The following ZNF423 variants were observed in gnomAD, a reference collection of about 807,000 sequenced individuals.
ZNF423 encodes zinc finger protein 423.
In ZNF423, 12 loss-of-function variants were observed where a neutral mutation model predicts 95.8. The observed-to-expected ratio is 0.13, with a 90% CI of 0.08 to 0.20. The LOEUF is 0.20. Ranked by LOEUF, ZNF423 falls within the 10% of genes least tolerant of loss-of-function variation. ZNF423 has a pLI of 1.00. For synonymous variants in ZNF423, 749 were observed against 711.9 expected, an observed-to-expected ratio of 1.05 and a Z score of -0.83; for missense variants, 1,316 against 1,737.1, an observed-to-expected ratio of 0.76 and a Z score of 4.31.
intron 2 of ZNF423, among the ~76,000 whole-genome samples, chr16:49,755,543 A>G (rs2033711160): frequency 6.6e-6 from 1 of 152,158 alleles, no homozygotes; most frequent in Non-Finnish European, 1.5e-5. Context: ...ACATGCACAC[A>G]TTGTGGCTGC....
intron 5 of ZNF423, among the ~76,000 whole-genome samples, chr16:49,556,518 GCA>G (rs1257261444): frequency 6.6e-6 from 1 of 152,106 alleles, no homozygotes; most frequent in East Asian, 1.9e-4. Context: ...TCAGTACTTT[GCA>G]CAGAGAGGAA....
chr16:49,801,563 A>C (rs780290923), intron 1 of ZNF423, among the ~76,000 whole-genome samples: 2 of 152,200 alleles, frequency 1.3e-5, no homozygotes, highest in Non-Finnish European at 2.9e-5. Context: ...TCGGTTGCAC[A>C]AAGTAATTCT....
At chr16:49,525,227 G>A in intron 6 of ZNF423, 136 bp downstream of exon 6, 2 of 1,318,832 alleles carry the variant, frequency 1.5e-6, no homozygotes, top group South Asian at 2.8e-5. Context: ...ATCCCTCAGG[G>A]TATCCCCAAC....
intron 5 of ZNF423, among the ~76,000 whole-genome samples, chr16:49,589,840 C>T (rs1042066212): frequency 1.3e-5 from 2 of 151,880 alleles, no homozygotes; most frequent in East Asian, 1.9e-4. Context: ...GCATTATTAA[C>T]GGCACATTCC....
chr16:49,612,280 T>C (rs1301913231), intron 5 of ZNF423, among the ~76,000 whole-genome samples: 1 of 151,686 alleles, frequency 6.6e-6, no homozygotes, highest in Non-Finnish European at 1.5e-5. Flanking sequence ...AAAAGAAGTA[T>C]ACACCATGAC....
At chr16:49,540,938 AG>A (rs1279687998) in intron 5 of ZNF423, among the ~76,000 whole-genome samples, 1 of 152,216 alleles carries the variant, frequency 6.6e-6, no homozygotes, top group Admixed American at 6.5e-5. Flanking sequence ...TGGGGGTCCC[AG>A]TGGCCCTCTG....
intron 3 of ZNF423, among the ~76,000 whole-genome samples, chr16:49,676,941 G>C (rs1186280266): frequency 6.6e-6 from 1 of 152,086 alleles, no homozygotes; most frequent in East Asian, 1.9e-4. Context: ...ATTTAGGCCA[G>C]GCCTGGTGGC....
At chr16:49,717,422 C>G (rs974668744) in intron 3 of ZNF423, among the ~76,000 whole-genome samples, 3 of 152,232 alleles carry the variant, frequency 2.0e-5, no homozygotes, top group African/African-American at 7.2e-5. Flanking sequence ...CTCCTTCTCT[C>G]TTCAGGCTGC....
chr16:49,738,876 G>A (rs144113125), intron 2 of ZNF423, among the ~76,000 whole-genome samples: 2 of 152,190 alleles, frequency 1.3e-5, no homozygotes, highest in Non-Finnish European at 2.9e-5. Context: ...GGCATATCCA[G>A]GGGTTACCAG....
intron 2 of ZNF423, among the ~76,000 whole-genome samples, chr16:49,746,345 C>A (rs1020778874): frequency 6.6e-6 from 1 of 152,014 alleles, no homozygotes; most frequent in African/African-American, 2.4e-5. Flanking sequence ...TTGGACTCAT[C>A]GAGCCTCAGC....
At chr16:49,670,574 G>C (rs2030759791) in intron 3 of ZNF423, among the ~76,000 whole-genome samples, 1 of 152,146 alleles carries the variant, frequency 6.6e-6, no homozygotes. Context: ...AGGCAGAGGA[G>C]GAGTTGGGGC....
chr16:49,727,878 C>A lies in ZNF423; in HGVS notation c.301+2893G>T, dbSNP rs191627234. ...TCTCTATTGGGCTTCTATCGAGTGA[C>A]CAGTGGTGAGAGTCCAGCAGACCCA... On this transcript the variant is annotated intron_variant, in intron 3 of 7. Coordinates refer to ENST00000563137, the MANE Select transcript of ZNF423 (RefSeq NM_001379286.1). Among the ~76,000 whole-genome samples the A allele has an allele frequency of 1.5e-3, 221 of 152,324 alleles. 1 individual carries two copies. The highest frequency in any genetic ancestry group is 1.9e-4 in the Non-Finnish European group (13 of 68,020).
chr16:49,660,509 G>A (rs1299200724), intron 3 of ZNF423, among the ~76,000 whole-genome samples: 1 of 152,220 alleles, frequency 6.6e-6, no homozygotes, highest in Non-Finnish European at 1.5e-5. Context: ...CCAGCTGGAA[G>A]CCAGGGAGTA....
intron 7 of ZNF423, among the ~76,000 whole-genome samples, chr16:49,497,636 T>TC (rs1485378148): frequency 6.6e-6 from 1 of 152,008 alleles, no homozygotes; most frequent in African/African-American, 2.4e-5. Context: ...ATCCCCCTTC[T>TC]CCCCACTGCC....
At chr16:49,570,558 C>G (rs1044008835) in intron 5 of ZNF423, among the ~76,000 whole-genome samples, 1 of 152,158 alleles carries the variant, frequency 6.6e-6, no homozygotes, top group Non-Finnish European at 1.5e-5. Flanking sequence ...AAGAATGAAA[C>G]AGTTTGCTAT....
At chr16:49,563,463 G>A (rs901171438) in intron 5 of ZNF423, among the ~76,000 whole-genome samples, 15 of 152,174 alleles carry the variant, frequency 9.9e-5, no homozygotes, top group African/African-American at 3.6e-4. Context: ...CCAGCCTCGG[G>A]TATTCCTTCA....
chr16:49,785,079 T>C (rs573655763), intron 2 of ZNF423, among the ~76,000 whole-genome samples: 17 of 152,176 alleles, frequency 1.1e-4, no homozygotes, highest in African/African-American at 3.9e-4. Flanking sequence ...ATTTAGTTAG[T>C]TATTTCAGAG....
intron 2 of ZNF423, among the ~76,000 whole-genome samples, chr16:49,786,323 A>G (rs1239889771): frequency 1.3e-5 from 2 of 152,164 alleles, no homozygotes; most frequent in African/African-American, 2.4e-5. Flanking sequence ...TGGCCAGGGG[A>G]GGCCAGGGGT....
intron 1 of ZNF423, among the ~76,000 whole-genome samples, chr16:49,815,875 A>AACAAAC (rs2034831754): frequency 1.6e-5 from 1 of 62,132 alleles, no homozygotes; most frequent in Non-Finnish European, 2.9e-5. Context: ...ACAAACAAAA[A>AACAAAC]AAAAAAATAT....
Sources: allele counts gnomAD v4.1 joint callset (sites outside exome capture counted in the v4.1 genomes callset), GRCh38; gene constraint gnomAD v4.1.1; transcripts MANE v1.5; gene names NCBI Gene and HGNC (gene_info 2026-07-23, HGNC 2026-07-21).